MLIP: variants seen among roughly 807,000 people sequenced by gnomAD.
MLIP encodes the protein muscular LMNA-interacting protein.
In MLIP, 79 loss-of-function variants were observed where a neutral mutation model predicts 84.8. That is an observed-to-expected ratio of 0.93 (90% CI 0.78 to 1.12). The LOEUF (loss-of-function observed/expected upper bound fraction) is 1.12. Ranked by LOEUF, MLIP falls within the 50% of genes most tolerant of loss-of-function variation. The pLI, the probability that MLIP is intolerant of heterozygous loss-of-function variation, is 0.00. For synonymous variants in MLIP, 504 were observed against 463.0 expected (o/e 1.09, Z -1.14); for missense variants, 1,257 against 1,160.6 (o/e 1.08, Z -1.21).
rs1396165564 is a variant in MLIP at position 54,149,090 on chromosome 6, C to A, written c.2252C>A (p.Ala751Glu). ...YKTKSSYKAF[A>E]AIPTNTLLLE... ...ACCAAGTCAAGCTACAAGGCTTTTG[C>A]AGCAATCCCTACAAACACATTGCTT... is the stretch of plus-strand genomic sequence containing the variant. Residue 751 changes from alanine (A) to glutamate (E), a missense_variant, in exon 5 of 14, where the codon GCA (alanine) becomes GAA (glutamate). By Grantham distance (107) the Ala-to-Glu change is moderately radical (BLOSUM62 -1). Transcript: ENST00000502396. 1.9e-6 allele frequency: 3 copies of A among 1,612,806 alleles called. No homozygotes were observed. Among genetic ancestry groups the A allele is most frequent in the African/African-American group, 2.7e-5 (2 of 74,842 alleles).
intron 12 of MLIP, among the ~76,000 whole-genome samples, chr6:54,234,103 T>C (rs1444150353): frequency 6.6e-6 from 1 of 152,142 alleles, no homozygotes; most frequent in African/African-American, 2.4e-5. Context: ...ATTAGCCCTT[T>C]GACAGAAGGA....
intron 9 of MLIP, among the ~76,000 whole-genome samples, chr6:54,174,812 A>C (rs1214154429): frequency 6.6e-6 from 1 of 151,794 alleles, no homozygotes; most frequent in Admixed American, 6.6e-5. Context: ...TTACTGGAGA[A>C]ATTTTTGCCC....
chr6:54,148,534 T>A (rs1374905161), intron 4 of MLIP, among the ~76,000 whole-genome samples: 1 of 152,174 alleles, frequency 6.6e-6, no homozygotes, highest in Non-Finnish European at 1.5e-5. Flanking sequence ...ATGTTCAAAT[T>A]ATTGACTACT....
chr6:54,190,665 A>T (rs1473212322), intron 10 of MLIP, among the ~76,000 whole-genome samples: 1 of 152,174 alleles, frequency 6.6e-6, no homozygotes, highest in African/African-American at 2.4e-5. Context: ...AAAATCTGTT[A>T]TTTGAAGATA....
At chr6:54,186,045 G>A (rs1302677050) in intron 9 of MLIP, among the ~76,000 whole-genome samples, 1 of 152,106 alleles carries the variant, frequency 6.6e-6, no homozygotes, top group Non-Finnish European at 1.5e-5. Context: ...AATGACATGA[G>A]TCAAAACCCA....
chr6:54,078,350 G>T (rs902506134), intron 1 of MLIP, among the ~76,000 whole-genome samples: 1 of 152,194 alleles, frequency 6.6e-6, no homozygotes, highest in Non-Finnish European at 1.5e-5. Context: ...CCGCACTTTG[G>T]GAGGCTGAGG....
At chr6:54,265,003 T>C (rs1783604909) in intron 13 of MLIP, among the ~76,000 whole-genome samples, 1 of 152,128 alleles carries the variant, frequency 6.6e-6, no homozygotes, top group African/African-American at 2.4e-5. Context: ...GAGCCAGCTC[T>C]AAGTCACCAC....
chr6:54,260,806 T>A (rs555342310), intron 13 of MLIP, among the ~76,000 whole-genome samples: 1 of 152,126 alleles, frequency 6.6e-6, no homozygotes, highest in South Asian at 2.1e-4. Flanking sequence ...TGCCTTGACA[T>A]TCCATACAAG....
chr6:54,214,958 C>T (rs570208389), intron 11 of MLIP, among the ~76,000 whole-genome samples: 3 of 152,304 alleles, frequency 2.0e-5, no homozygotes, highest in African/African-American at 4.8e-5. Context: ...TTGTGCCAGG[C>T]TCTGCAATAG....
At chr6:54,177,996 A>G (rs1436255821) in intron 9 of MLIP, among the ~76,000 whole-genome samples, 3 of 152,324 alleles carry the variant, frequency 2.0e-5, no homozygotes, top group Admixed American at 6.5e-5. Context: ...CTGAACAATA[A>G]GAACACATAG....
intron 10 of MLIP, among the ~76,000 whole-genome samples, chr6:54,201,039 A>G (rs1778643116): frequency 6.6e-6 from 1 of 152,264 alleles, no homozygotes; most frequent in African/African-American, 2.4e-5. Context: ...CAGAAAGAGC[A>G]TCACAGCTTT....
chr6:54,256,900 T>C (rs964494320), intron 12 of MLIP, among the ~76,000 whole-genome samples: 1 of 152,188 alleles, frequency 6.6e-6, no homozygotes, highest in African/African-American at 2.4e-5. Flanking sequence ...GAACATGACT[T>C]GTTGCTGTTG....
chr6:54,071,353 T>C (rs1288599240), intron 1 of MLIP, among the ~76,000 whole-genome samples: 1 of 152,110 alleles, frequency 6.6e-6, no homozygotes, highest in African/African-American at 2.4e-5. Context: ...GTTATCTTCA[T>C]AGGCTATATT....
intron 12 of MLIP, among the ~76,000 whole-genome samples, chr6:54,249,732 CACAT>C (rs1428689684): frequency 2.1e-5 from 3 of 139,760 alleles, no homozygotes; most frequent in South Asian, 2.3e-4. Flanking sequence ...CACACACACA[CACAT>C]ATATATATAT....
At chr6:54,074,232 A>G (rs575884115) in intron 1 of MLIP, among the ~76,000 whole-genome samples, 5 of 152,308 alleles carry the variant, frequency 3.3e-5, no homozygotes, top group East Asian at 3.9e-4. Context: ...AATTGATTTT[A>G]TAGCACTTCT....
At chr6:54,022,276 T>C (rs1009158367) in intron 1 of MLIP, among the ~76,000 whole-genome samples, 3 of 152,240 alleles carry the variant, frequency 2.0e-5, no homozygotes, top group Non-Finnish European at 4.4e-5. Context: ...TGTGAGGCAC[T>C]CTGGAGGTTA....
intron 1 of MLIP, among the ~76,000 whole-genome samples, chr6:54,092,915 C>T (rs762227762): frequency 6.6e-6 from 1 of 151,920 alleles, no homozygotes; most frequent in Non-Finnish European, 1.5e-5. Context: ...CTCTTGTAGC[C>T]CAGGCTGGAG....
At chr6:54,145,916 T>A (rs1469164298) in intron 4 of MLIP, among the ~76,000 whole-genome samples, 1 of 151,814 alleles carries the variant, frequency 6.6e-6, no homozygotes, top group African/African-American at 2.4e-5. Context: ...GTGGCAGGAG[T>A]TCCTAGTCCT....
chr6:54,151,913 C>A (rs1277313592), intron 5 of MLIP, among the ~76,000 whole-genome samples: 1 of 152,012 alleles, frequency 6.6e-6, no homozygotes, highest in Non-Finnish European at 1.5e-5. Context: ...TTTAATCAAC[C>A]CTGGATGAAG....
Sources: allele counts gnomAD v4.1 joint callset (sites outside exome capture counted in the v4.1 genomes callset), GRCh38; gene constraint gnomAD v4.1.1; transcripts MANE v1.5; gene names NCBI Gene and HGNC (gene_info 2026-07-23, HGNC 2026-07-21).